Variants in LRP1B observed in about 807,000 individuals in gnomAD.
The protein encoded by LRP1B is low-density lipoprotein receptor-related protein 1B.
Under a neutral mutation model 556.6 loss-of-function variants are expected in LRP1B, and 217 were observed. The observed-to-expected ratio is 0.39, with a 90% CI of 0.35 to 0.44. The LOEUF (loss-of-function observed/expected upper bound fraction) is 0.44. LRP1B is among the 20% of genes least tolerant of loss of function. The probability of loss-of-function intolerance (pLI) is 1.00; values close to 1 mark genes in which losing one functional copy is unlikely to be tolerated. For synonymous variants in LRP1B, 2,047 were observed against 1,865.8 expected (o/e 1.10, Z -2.50); for missense variants, 5,053 against 5,620.8 (o/e 0.90, Z 3.23).
At chr2:142,074,986 C>A (rs1287792194) in intron 1 of LRP1B, among the ~76,000 whole-genome samples, 2 of 152,044 alleles carry the variant, frequency 1.3e-5, no homozygotes, top group African/African-American at 4.8e-5. Context: ...TAGCTCCCTG[C>A]GATTATACCT....
chr2:140,400,991 T>A (rs1684472124), intron 66 of LRP1B, among the ~76,000 whole-genome samples: 1 of 152,178 alleles, frequency 6.6e-6, no homozygotes, highest in South Asian at 2.1e-4. Context: ...CAGTGTAAAC[T>A]AAGGGAAGCC....
chr2:141,427,761 T>G (rs572636944), intron 3 of LRP1B, among the ~76,000 whole-genome samples: 6 of 152,172 alleles, frequency 3.9e-5, no homozygotes, highest in African/African-American at 1.4e-4. Context: ...ATATTCAAAA[T>G]TGGTTTTTCT....
At chr2:141,170,505 C>T (rs1275370504) in intron 7 of LRP1B, among the ~76,000 whole-genome samples, 1 of 152,050 alleles carries the variant, frequency 6.6e-6, no homozygotes, top group Admixed American at 6.6e-5. Context: ...TTTTACTTAG[C>T]CATTAGAAGC....
intron 41 of LRP1B, among the ~76,000 whole-genome samples, chr2:140,654,923 A>G (rs1684822907): frequency 6.6e-6 from 1 of 152,182 alleles, no homozygotes; most frequent in East Asian, 1.9e-4. Context: ...ACCAGTAAGT[A>G]TAATCATTAC....
At chr2:141,335,359 A>G (rs1444472015) in intron 3 of LRP1B, among the ~76,000 whole-genome samples, 1 of 152,194 alleles carries the variant, frequency 6.6e-6, no homozygotes, top group Non-Finnish European at 1.5e-5. Flanking sequence ...ACACACACAA[A>G]TATCAGGAAC....
chr2:141,338,532 A>G (rs1230935927), intron 3 of LRP1B, among the ~76,000 whole-genome samples: 1 of 151,560 alleles, frequency 6.6e-6, no homozygotes, highest in East Asian at 1.9e-4. Context: ...GAATACATCT[A>G]CTCCTACATA....
At chr2:140,649,671 T>C (rs1483586290) in intron 41 of LRP1B, among the ~76,000 whole-genome samples, 1 of 152,240 alleles carries the variant, frequency 6.6e-6, no homozygotes, top group East Asian at 1.9e-4. Flanking sequence ...ACCACATAGT[T>C]TGGATGCTTG....
intron 1 of LRP1B, among the ~76,000 whole-genome samples, chr2:142,003,858 G>A (rs1396325919): frequency 6.6e-6 from 1 of 152,200 alleles, no homozygotes; most frequent in African/African-American, 2.4e-5. Flanking sequence ...CTGCTCTGGA[G>A]GTAGAAAGGG....
chr2:141,173,397 G>A (rs868787703), intron 7 of LRP1B, among the ~76,000 whole-genome samples: 10 of 151,890 alleles, frequency 6.6e-5, no homozygotes, highest in African/African-American at 9.7e-5. Flanking sequence ...TGTTCAGATA[G>A]CCATTATTTC....
At chr2:142,035,387 A>T (rs1703842143) in intron 1 of LRP1B, among the ~76,000 whole-genome samples, 1 of 151,620 alleles carries the variant, frequency 6.6e-6, no homozygotes, top group South Asian at 2.1e-4. Flanking sequence ...GGCTTTAAAG[A>T]AATACAGGTG....
At chr2:141,932,867 AGT>A (rs1343304731) in intron 1 of LRP1B, among the ~76,000 whole-genome samples, 5 of 152,042 alleles carry the variant, frequency 3.3e-5, no homozygotes, top group Admixed American at 2.0e-4. Context: ...TAAAAATGAT[AGT>A]GTTTTTACAT....
intron 7 of LRP1B, among the ~76,000 whole-genome samples, chr2:141,068,202 A>T (rs756675440): frequency 2.9e-4 from 44 of 152,010 alleles, no homozygotes; most frequent in Non-Finnish European, 4.7e-4. Flanking sequence ...TGTCTAGGGT[A>T]AATACCCGGG....
chr2:140,506,705 G>A (rs2104906257), intron 53 of LRP1B, 91 bp downstream of exon 53: 2 of 1,357,250 alleles, frequency 1.5e-6, no homozygotes, highest in East Asian at 2.3e-5. Context: ...TAAGAAATGT[G>A]TTGCTTGTTG....
chr2:141,150,204 AC>A (rs1701886793), intron 7 of LRP1B, among the ~76,000 whole-genome samples: 1 of 152,332 alleles, frequency 6.6e-6, no homozygotes, highest in Non-Finnish European at 1.5e-5. Flanking sequence ...ATGAGAACAA[AC>A]AAAACAATGA....
intron 1 of LRP1B, among the ~76,000 whole-genome samples, chr2:141,859,558 G>T (rs1698173357): frequency 6.6e-6 from 1 of 152,156 alleles, no homozygotes; most frequent in Admixed American, 6.5e-5. Context: ...GATAGTGAAA[G>T]ATTTAAAAAG....
chr2:140,554,854 ATG>A lies in LRP1B; in HGVS notation c.7195-12885_7195-12884del, dbSNP rs1553485749. Among the ~76,000 whole-genome samples, 713 of 145,726 alleles carry A rather than the reference ATG, an allele frequency of 4.9e-3. 3 individuals carry two copies. The highest frequency in any genetic ancestry group is 8.7e-3 in the African/African-American group (346 of 39,678). Reference sequence around the variant, plus strand: ...CTGCTGCTTCTTTTAAAGTGTGTGTATGTGTGTGTGTGTGTGTGTGTGTGTGT... The same window carrying A: ...CTGCTGCTTCTTTTAAAGTGTGTGTATGTGTGTGTGTGTGTGTGTGTGTGT... On this transcript the variant is annotated intron_variant, in intron 43 of 90. Coordinates refer to ENST00000389484, the MANE Select transcript of LRP1B (RefSeq NM_018557.3).
intron 7 of LRP1B, among the ~76,000 whole-genome samples, chr2:141,074,589 CTATA>C (rs1553456128): frequency 2.0e-3 from 271 of 136,472 alleles, no homozygotes; most frequent in East Asian, 9.3e-3. Context: ...CTCTCTCTCT[CTATA>C]TATATATATA....
At chr2:140,855,205 C>T (rs76386314) in intron 27 of LRP1B, among the ~76,000 whole-genome samples, 2,206 of 151,968 alleles carry the variant, frequency 0.015, 48 homozygotes, top group African/African-American at 0.051. Context: ...TAACCTGGTA[C>T]TCAACTCTCT....
chr2:141,821,762 C>G (rs1284879705), intron 1 of LRP1B, among the ~76,000 whole-genome samples: 1 of 151,968 alleles, frequency 6.6e-6, no homozygotes, highest in Non-Finnish European at 1.5e-5. Flanking sequence ...TATTAAGCAC[C>G]AAGTGTTTTT....
Sources: allele counts gnomAD v4.1 joint callset (sites outside exome capture counted in the v4.1 genomes callset), GRCh38; gene constraint gnomAD v4.1.1; transcripts MANE v1.5; gene names NCBI Gene and HGNC (gene_info 2026-07-23, HGNC 2026-07-21).